The following IL26 variants were observed in gnomAD, a reference collection of about 807,000 sequenced individuals.
IL26 encodes interleukin 26.
A neutral mutation model predicts 21.7 loss-of-function variants in IL26; 23 were observed. That is an observed-to-expected ratio of 1.06 (90% CI 0.76 to 1.50). The LOEUF (loss-of-function observed/expected upper bound fraction) is 1.50, where lower values mean the gene tolerates loss of function less well. IL26 is among the 40% of genes most tolerant of loss of function. The pLI, the probability that IL26 is intolerant of heterozygous loss-of-function variation, is 0.00. For missense variants in IL26, 204 were observed against 196.0 expected, an observed-to-expected ratio of 1.04 and a Z score of -0.24; for synonymous variants, 63 against 67.8, an observed-to-expected ratio of 0.93 and a Z score of 0.34.
intron 3 of IL26, among the ~76,000 whole-genome samples, chr12:68,223,379 C>A (rs930913780): frequency 6.6e-6 from 1 of 152,164 alleles, no homozygotes; most frequent in African/African-American, 2.4e-5. Context: ...ACTGTCCCAC[C>A]CACTTTAGGA....
intron 3 of IL26, among the ~76,000 whole-genome samples, chr12:68,204,401 C>T (rs865964035): frequency 1.3e-5 from 2 of 152,082 alleles, no homozygotes; most frequent in Non-Finnish European, 2.9e-5. Context: ...CCTCGGCCTC[C>T]CAAAGTGCTG....
In IL26 at chr12:68,225,709, C is replaced by T. The variant is rs777733267; in HGVS notation, c.48G>A (p.Leu16=). Residue 16 remains leucine (L), a synonymous_variant, in exon 1 of 5, where the codon CTG becomes CTA. Transcript: ENST00000229134. ...ILRCGLLLVT[L]SLAIAKHKQS... ...GCTTGTGCTTGGCAATGGCAAGAGA[C>T]AGAGTGACTAACAGCAACCCACACC... 2.0e-5 allele frequency: 32 copies of T among 1,613,906 alleles called. No individual in the cohort carries two copies. In the East Asian group the frequency reaches 6.0e-4, roughly 30 times the overall value.
At chr12:68,211,037 C>T (rs1868714243) in intron 3 of IL26, among the ~76,000 whole-genome samples, 1 of 152,074 alleles carries the variant, frequency 6.6e-6, no homozygotes, top group African/African-American at 2.4e-5. Flanking sequence ...AGGGTAACTT[C>T]CTCCCACTGT....
At chr12:68,212,759 G>A (rs547244858) in intron 3 of IL26, among the ~76,000 whole-genome samples, 2 of 152,020 alleles carry the variant, frequency 1.3e-5, no homozygotes, top group East Asian at 1.9e-4. Context: ...GCAAATTTAC[G>A]GAATTTTTTT....
At chr12:68,224,100 G>T (rs1869154001) in intron 3 of IL26, among the ~76,000 whole-genome samples, 2 of 150,564 alleles carry the variant, frequency 1.3e-5, no homozygotes, top group African/African-American at 5.0e-5. Flanking sequence ...AGGATGAAGA[G>T]CTCCTTTCCA....
intron 3 of IL26, among the ~76,000 whole-genome samples, chr12:68,222,012 T>A (rs899446664): frequency 6.6e-6 from 1 of 152,208 alleles, no homozygotes; most frequent in Non-Finnish European, 1.5e-5. Flanking sequence ...TGGTAAAATA[T>A]AATTATCTGA....
At chr12:68,213,449 G>T (rs1450045599) in intron 3 of IL26, among the ~76,000 whole-genome samples, 1 of 151,956 alleles carries the variant, frequency 6.6e-6, no homozygotes, top group African/African-American at 2.4e-5. Context: ...GGTAGAATTG[G>T]AATTAATTCT....
At position 68,207,576 on chromosome 12, in the gene IL26, TGCA is replaced by T. The variant is rs531221584; in HGVS notation, c.364-5496_364-5494del. ...TACAGCATTACCACAAGTAATTTTG[TGCA>T]GCTAATTATCTTCATGTGAGCAGTT... On this transcript the variant is annotated intron_variant, in intron 3 of 4. Coordinates refer to ENST00000229134, the MANE Select transcript of IL26 (RefSeq NM_018402.2). 1.6e-4 allele frequency among the ~76,000 whole-genome samples: 25 copies of T among 152,344 alleles called. No homozygotes were observed. In the East Asian group the frequency reaches 3.9e-3, roughly 24 times the overall value.
chr12:68,224,756 GGAGA>G (rs1288241212), intron 3 of IL26, among the ~76,000 whole-genome samples: 1 of 142,602 alleles, frequency 7.0e-6, no homozygotes, highest in Admixed American at 7.1e-5. Context: ...AGGGAGAGAG[GGAGA>G]GAGGGAGGAA....
chr12:68,214,560 G>T (rs1475394183), intron 3 of IL26, among the ~76,000 whole-genome samples: 1 of 152,152 alleles, frequency 6.6e-6, no homozygotes, highest in African/African-American at 2.4e-5. Flanking sequence ...TCCTCTAGCT[G>T]AATTAACCTC....
Position 68,217,282 on chromosome 12 carries a change from G to C in IL26, c.363+7867C>G, listed in dbSNP as rs11177105. Among the ~76,000 whole-genome samples the C allele has an allele frequency of 1.6e-3, 239 of 152,280 alleles. 1 individual carries two copies. Among genetic ancestry groups the C allele is most frequent in the African/African-American group, 5.5e-3 (228 of 41,576 alleles). ...TTTGTCATGCTGTTTTATCTTAAGA[G>C]TGGCTCAAGAAAACGGACTTGCAAG... On this transcript the variant is annotated intron_variant, in intron 3 of 4. Coordinates refer to ENST00000229134, the MANE Select transcript of IL26 (RefSeq NM_018402.2).
chr12:68,211,351 A>G (rs2120442748), intron 3 of IL26, among the ~76,000 whole-genome samples: 1 of 152,326 alleles, frequency 6.6e-6, no homozygotes, highest in Admixed American at 6.5e-5. Flanking sequence ...TACTGTGGCT[A>G]GTGCTGAATA....
At chr12:68,204,206 C>G (rs1250863775) in intron 3 of IL26, among the ~76,000 whole-genome samples, 3 of 143,986 alleles carry the variant, frequency 2.1e-5, no homozygotes, top group Admixed American at 7.3e-5. Flanking sequence ...TGCAGTGGCG[C>G]AATCTTGGCT....
intron 3 of IL26, among the ~76,000 whole-genome samples, chr12:68,219,321 A>G (rs11570925): frequency 0.27 from 41,261 of 151,900 alleles, 7,046 homozygotes; most frequent in Non-Finnish European, 0.4. Flanking sequence ...GATTCAAGTC[A>G]TACAAAGTAT....
chr12:68,218,586 C>A (rs1381438476), intron 3 of IL26, among the ~76,000 whole-genome samples: 1 of 151,936 alleles, frequency 6.6e-6, no homozygotes, highest in Non-Finnish European at 1.5e-5. Flanking sequence ...TGTGGGACAA[C>A]TACAAATGGG....
At chr12:68,211,089 C>T (rs1334900550) in intron 3 of IL26, among the ~76,000 whole-genome samples, 2 of 152,176 alleles carry the variant, frequency 1.3e-5, no homozygotes, top group Non-Finnish European at 2.9e-5. Context: ...TCTTGCCACA[C>T]CCCTACCTCT....
rs751270003 is a variant in IL26 at position 68,201,935 on chromosome 12, C to A, written c.430-4G>T. The A allele has an allele frequency of 6.3e-7, 1 of 1,590,644 alleles. No individual in the cohort carries two copies. ...TGTAGATTCCTTTGTTTCCAATCTG[C>A]AGATAAAGTACAGATATAAGAGAAT... On this transcript the variant is annotated splice_polypyrimidine_tract_variant and splice_region_variant and intron_variant, in intron 4 of 4. Coordinates refer to ENST00000229134, the MANE Select transcript of IL26 (RefSeq NM_018402.2).
chr12:68,223,460 C>G (rs1869121042), intron 3 of IL26, among the ~76,000 whole-genome samples: 1 of 152,162 alleles, frequency 6.6e-6, no homozygotes, highest in South Asian at 2.1e-4. Context: ...AGCTTTTCAT[C>G]TAGAATATTG....
chr12:68,222,554 A>T (rs1260506786), intron 3 of IL26, among the ~76,000 whole-genome samples: 2 of 152,180 alleles, frequency 1.3e-5, no homozygotes, highest in African/African-American at 4.8e-5. Context: ...ATCCCAGAGT[A>T]CCGCCTCCAG....
Sources: gnomAD v4.1 joint callset for allele counts (sites outside exome capture counted in the v4.1 genomes callset) on GRCh38, gnomAD v4.1.1 for gene constraint, MANE v1.5 for transcripts, NCBI Gene and HGNC (gene_info 2026-07-23, HGNC 2026-07-21) for gene names.